CMTM8: variants seen among roughly 807,000 people sequenced by gnomAD.
CMTM8 encodes CKLF like MARVEL transmembrane domain containing 8, also known as CKLF-like MARVEL transmembrane domain-containing protein 8.
In CMTM8, 12 loss-of-function variants were observed where a neutral mutation model predicts 18.6. The observed-to-expected ratio is 0.65, with a 90% CI of 0.41 to 1.05. The LOEUF is 1.05. Among genes scored for constraint, CMTM8 ranks in the 50% least tolerant of loss-of-function variants. The pLI, the probability that CMTM8 is intolerant of heterozygous loss-of-function variation, is 0.00. For missense variants in CMTM8, 217 were observed against 227.2 expected (o/e 0.95, Z 0.29); for synonymous variants, 87 against 90.6 (o/e 0.96, Z 0.23).
chr3:32,281,413 G>A (rs1702608744), intron 1 of CMTM8, among the ~76,000 whole-genome samples: 1 of 152,074 alleles, frequency 6.6e-6, no homozygotes. Flanking sequence ...GGGTAGGGAG[G>A]GAAATCTTAC....
At chr3:32,253,826 C>T (rs1174417794) in intron 1 of CMTM8, among the ~76,000 whole-genome samples, 2 of 152,208 alleles carry the variant, frequency 1.3e-5, no homozygotes, top group Non-Finnish European at 2.9e-5. Context: ...AATCCTCCCA[C>T]CTCAGCCTCC....
chr3:32,254,740 T>C (rs896993635), intron 1 of CMTM8, among the ~76,000 whole-genome samples: 2 of 152,214 alleles, frequency 1.3e-5, no homozygotes, highest in Non-Finnish European at 2.9e-5. Flanking sequence ...GACAGCTTTA[T>C]TGAGATACAG....
chr3:32,362,812 G>A (rs375884934), intron 2 of CMTM8, among the ~76,000 whole-genome samples: 1 of 152,164 alleles, frequency 6.6e-6, no homozygotes, highest in East Asian at 1.9e-4. Flanking sequence ...GGACCTTCCT[G>A]TTGCTCTGTC....
chr3:32,306,248 G>A (rs1172299411), intron 1 of CMTM8, among the ~76,000 whole-genome samples: 1 of 152,134 alleles, frequency 6.6e-6, no homozygotes, highest in Non-Finnish European at 1.5e-5. Context: ...CCTAAACTTG[G>A]TCACCTGATG....
intron 1 of CMTM8, among the ~76,000 whole-genome samples, chr3:32,312,604 A>G (rs1194942270): frequency 6.6e-6 from 1 of 152,122 alleles, no homozygotes; most frequent in African/African-American, 2.4e-5. Flanking sequence ...GAAGCTCTGC[A>G]AACTCTGTCC....
chr3:32,369,687 T>G (rs1318472079), intron 3 of CMTM8, among the ~76,000 whole-genome samples, 197 bp from the exon 4 acceptor site: 6 of 152,232 alleles, frequency 3.9e-5, no homozygotes, highest in African/African-American at 1.4e-4. Flanking sequence ...GGCTTTCAGA[T>G]GTTCTCCGAA....
At chr3:32,259,086 G>T in intron 1 of CMTM8, 2 of 377,498 alleles carry the variant, frequency 5.3e-6, no homozygotes, top group South Asian at 4.6e-5. Context: ...CTGGTTCCCG[G>T]ATCACCGTGT....
intron 1 of CMTM8, among the ~76,000 whole-genome samples, chr3:32,242,624 G>A (rs549321887): frequency 6.6e-6 from 1 of 152,146 alleles, no homozygotes; most frequent in East Asian, 1.9e-4. Flanking sequence ...CACTGCACCT[G>A]GCTGTAAAAA....
chr3:32,332,309 T>TA (rs1320040788), intron 1 of CMTM8, among the ~76,000 whole-genome samples: 8 of 152,154 alleles, frequency 5.3e-5, no homozygotes, highest in Non-Finnish European at 1.2e-4. Flanking sequence ...TGGGGACAGT[T>TA]ACCTCTGAGC....
intron 1 of CMTM8, among the ~76,000 whole-genome samples, chr3:32,241,716 T>A (rs541143831): frequency 6.6e-6 from 1 of 152,336 alleles, no homozygotes; most frequent in East Asian, 1.9e-4. Context: ...TCAAGGGGCA[T>A]CTGTATAGTC....
intron 1 of CMTM8, among the ~76,000 whole-genome samples, chr3:32,288,078 C>T (rs1307374769): frequency 1.3e-5 from 2 of 152,138 alleles, no homozygotes; most frequent in African/African-American, 4.8e-5. Flanking sequence ...AAGTCACTTT[C>T]CAGATATCAA....
At chr3:32,294,194 A>G (rs962457732) in intron 1 of CMTM8, among the ~76,000 whole-genome samples, 7 of 152,188 alleles carry the variant, frequency 4.6e-5, no homozygotes, top group African/African-American at 1.7e-4. Flanking sequence ...AGCCTTACAT[A>G]TCGTGAACAA....
Position 32,239,073 on chromosome 3 carries a change from G to C in CMTM8, c.101G>C (p.Arg34Pro). The change falls in exon 1 of 4, where the codon CGG (arginine) becomes CCG (proline). Residue 34 changes from arginine (R) to proline (P), a missense_variant. By Grantham distance (103) the Arg-to-Pro change is moderately radical. Coordinates refer to ENST00000307526, the MANE Select transcript of CMTM8 (RefSeq NM_178868.5). Reference sequence around the variant, plus strand: ...AGCAGCAGCAGCTTCGCCTACGACCGGGAGTTCCTCCGCACCCTGCCCGGC... The same window carrying C: ...AGCAGCAGCAGCTTCGCCTACGACCCGGAGTTCCTCCGCACCCTGCCCGGC... ...STSSSSFAYDREFLRTLPGFL... is the reference protein window; with the variant it reads ...STSSSSFAYDPEFLRTLPGFL... The C allele has an allele frequency of 6.2e-7, 1 of 1,600,030 alleles. No homozygotes were observed. The highest frequency in any genetic ancestry group is 8.5e-7 in the Non-Finnish European group (1 of 1,173,888).
intron 1 of CMTM8, among the ~76,000 whole-genome samples, chr3:32,341,653 G>A (rs1384736439): frequency 1.3e-5 from 2 of 151,930 alleles, no homozygotes; most frequent in Non-Finnish European, 2.9e-5. Context: ...GAGGCAGGTG[G>A]ATCACCTGAG....
chr3:32,354,539 G>A (rs1285660832), intron 1 of CMTM8, among the ~76,000 whole-genome samples: 2 of 152,196 alleles, frequency 1.3e-5, no homozygotes, highest in South Asian at 2.1e-4. Flanking sequence ...CTTCACTCGC[G>A]TTAATAATGA....
At chr3:32,293,393 G>A (rs1702818032) in intron 1 of CMTM8, among the ~76,000 whole-genome samples, 1 of 151,954 alleles carries the variant, frequency 6.6e-6, no homozygotes, top group Admixed American at 6.6e-5. Flanking sequence ...TCTACTAAAA[G>A]TACAAAAATT....
intron 1 of CMTM8, among the ~76,000 whole-genome samples, chr3:32,345,652 C>G (rs542912858): frequency 6.6e-6 from 1 of 152,232 alleles, no homozygotes; most frequent in East Asian, 1.9e-4. Flanking sequence ...AAAAGATATC[C>G]ATCATCTATC....
intron 1 of CMTM8, among the ~76,000 whole-genome samples, chr3:32,336,826 C>T (rs920666324): frequency 7.2e-6 from 1 of 139,364 alleles, no homozygotes; most frequent in Non-Finnish European, 1.6e-5. Flanking sequence ...CCATGCTTCA[C>T]CAAAACAGAA....
intron 2 of CMTM8, among the ~76,000 whole-genome samples, chr3:32,365,824 C>G (rs1237129898): frequency 6.6e-6 from 1 of 152,138 alleles, no homozygotes; most frequent in Non-Finnish European, 1.5e-5. Flanking sequence ...GTTGGAGGAG[C>G]TATAAGATTT....
Sources: allele counts gnomAD v4.1 joint callset (sites outside exome capture counted in the v4.1 genomes callset), GRCh38; gene constraint gnomAD v4.1.1; transcripts MANE v1.5; gene names NCBI Gene and HGNC (gene_info 2026-07-23, HGNC 2026-07-21).